The following KIAA0753 variants were observed in gnomAD, a reference collection of about 807,000 sequenced individuals.
KIAA0753 encodes the protein KIAA0753, also known as protein moonraker.
In KIAA0753, 114 loss-of-function variants were observed where a neutral mutation model predicts 116.9. The observed-to-expected ratio is 0.98, with a 90% CI of 0.84 to 1.14. The LOEUF is 1.14. KIAA0753 is among the 50% of genes most tolerant of loss of function. KIAA0753 has a pLI of 0.00. For synonymous variants in KIAA0753, 405 were observed against 413.1 expected, an observed-to-expected ratio of 0.98 and a Z score of 0.24; for missense variants, 1,156 against 1,172.4, an observed-to-expected ratio of 0.99 and a Z score of 0.20.
intron 8 of KIAA0753, among the ~76,000 whole-genome samples, chr17:6,610,820 G>T (rs1970492119): frequency 6.6e-6 from 1 of 152,058 alleles, no homozygotes; most frequent in Non-Finnish European, 1.5e-5. Context: ...TAAATAGAAT[G>T]AATCTAGCGA....
In KIAA0753 at chr17:6,611,959, G is replaced by A. The variant is rs780213827; in HGVS notation, c.1505C>T (p.Pro502Leu). 6.2e-6 allele frequency: 10 copies of A among 1,613,876 alleles called. 1 individual carries two copies. The highest frequency in any genetic ancestry group is 2.2e-5 in the East Asian group (1 of 44,872). Reference sequence around the variant, plus strand: ...CGCCAGAGTATCTTTCTTCCTAAACGGCACATTCTCAGTCACAGGCTTCTT... The same window carrying A: ...CGCCAGAGTATCTTTCTTCCTAAACAGCACATTCTCAGTCACAGGCTTCTT... ...GKKKPVTENVPFRKKDTLAPA... is the reference protein window; with the variant it reads ...GKKKPVTENVLFRKKDTLAPA... The change falls in exon 8 of 19, where the codon CCG (proline) becomes CTG (leucine). Residue 502 changes from proline to leucine, a missense_variant. By Grantham distance (98) the Pro-to-Leu change is moderately conservative. Transcript: ENST00000361413.
Position 6,611,959 on chromosome 17 carries a change from G to T in KIAA0753, c.1505C>A (p.Pro502Gln). ...CGCCAGAGTATCTTTCTTCCTAAAC[G>T]GCACATTCTCAGTCACAGGCTTCTT... ...GKKKPVTENV[P>Q]FRKKDTLAPA... The change falls in exon 8 of 19, where the codon CCG (proline) becomes CAG (glutamine). Residue 502 changes from proline (P) to glutamine (Q), a missense_variant. Physicochemically the swap from Pro to Gln is moderately conservative, Grantham distance 76. Transcript: ENST00000361413. 6.2e-7 allele frequency: 1 copy of T among 1,613,994 alleles called. No individual in the cohort carries two copies. The highest frequency in any genetic ancestry group is 1.1e-5 in the South Asian group (1 of 91,064).
In KIAA0753 at chr17:6,620,095, T is replaced by C. The variant is rs149656201; in HGVS notation, c.1315+693A>G. Among the ~76,000 whole-genome samples, 182 of 152,224 alleles carry C rather than the reference T, an allele frequency of 1.2e-3. 2 individuals are homozygous for C. The East Asian group carries it at 0.024, about 20-fold the overall frequency. ...ACCCAGCAGGGAGATGGATAAAGAA[T>C]ATGAACAGGCAAATTACAGAAGAGG... is the stretch of plus-strand genomic sequence containing the variant. On this transcript the variant is annotated intron_variant, in intron 7 of 18. Transcript: ENST00000361413.
chr17:6,603,326 T>C (rs1201605463), intron 12 of KIAA0753, among the ~76,000 whole-genome samples: 2 of 151,942 alleles, frequency 1.3e-5, no homozygotes, highest in Non-Finnish European at 1.5e-5. Flanking sequence ...AGGAAATAAA[T>C]TGCCAGGCTT....
chr17:6,616,929 C>G (rs1477533287), intron 7 of KIAA0753, among the ~76,000 whole-genome samples: 1 of 152,150 alleles, frequency 6.6e-6, no homozygotes, highest in Non-Finnish European at 1.5e-5. Context: ...AAGTTTCCCC[C>G]CTTTGCCTCC....
intron 16 of KIAA0753, among the ~76,000 whole-genome samples, chr17:6,593,722 T>C (rs773463739): frequency 6.6e-6 from 1 of 152,156 alleles, no homozygotes; most frequent in Non-Finnish European, 1.5e-5. Context: ...CTGTCTCTAC[T>C]ACAATTAAAA....
chr17:6,590,655 A>C, intron 16 of KIAA0753, 25 bp from the exon 17 acceptor site: 1 of 1,612,402 alleles, frequency 6.2e-7, no homozygotes, highest in East Asian at 2.2e-5. Flanking sequence ...TCATAAAATG[A>C]CTGCATATAA....
At chr17:6,628,018 A>G (rs556510505) in intron 3 of KIAA0753, 99 bp downstream of exon 3, 1 of 1,167,000 alleles carries the variant, frequency 8.6e-7, no homozygotes, top group East Asian at 2.4e-5. Flanking sequence ...AGAAGGAAAG[A>G]ATGAAATTGC....
intron 18 of KIAA0753, among the ~76,000 whole-genome samples, chr17:6,585,294 A>G (rs1400127917): frequency 1.3e-5 from 2 of 152,118 alleles, no homozygotes; most frequent in South Asian, 2.1e-4. Context: ...TTTTCCTTAT[A>G]TTGAGATGCT....
chr17:6,629,759 A>C (rs1294675120), intron 2 of KIAA0753, among the ~76,000 whole-genome samples: 1 of 152,240 alleles, frequency 6.6e-6, no homozygotes, highest in African/African-American at 2.4e-5. Flanking sequence ...ACAGGCATCA[A>C]GAGTCACTTA....
At chr17:6,613,767 T>C (rs1328842947) in intron 7 of KIAA0753, among the ~76,000 whole-genome samples, 5 of 152,158 alleles carry the variant, frequency 3.3e-5, no homozygotes, top group African/African-American at 7.2e-5. Flanking sequence ...AAGAAAACTT[T>C]AAAACTTTAA....
intron 2 of KIAA0753, among the ~76,000 whole-genome samples, chr17:6,630,350 G>C (rs1222669688): frequency 2.0e-5 from 3 of 152,118 alleles, no homozygotes; most frequent in African/African-American, 7.2e-5. Flanking sequence ...GAGGCTGTGG[G>C]AAGCAGGCGC....
intron 14 of KIAA0753, 109 bp downstream of exon 14, chr17:6,599,128 T>G: frequency 1.3e-6 from 1 of 743,056 alleles, no homozygotes; most frequent in Non-Finnish European, 2.4e-6. Context: ...TTCATACTTC[T>G]TGAGTAGGAT....
At chr17:6,617,247 A>G (rs1481949499) in intron 7 of KIAA0753, among the ~76,000 whole-genome samples, 1 of 152,202 alleles carries the variant, frequency 6.6e-6, no homozygotes, top group Non-Finnish European at 1.5e-5. Flanking sequence ...TGTGTGGCAG[A>G]TGCTGGGCTC....
intron 4 of KIAA0753, 143 bp downstream of exon 4, chr17:6,624,612 C>A: frequency 3.4e-6 from 2 of 587,992 alleles, no homozygotes; most frequent in Non-Finnish European, 6.1e-6. Context: ...CCCATGTGTT[C>A]AGGTAATTGA....
Position 6,606,939 on chromosome 17 carries a change from G to C in KIAA0753, c.1943C>G (p.Thr648Ser). Residue 648 changes from threonine (T) to serine (S), a missense_variant, in exon 12 of 19, where the codon ACT becomes AGT. Coordinates refer to ENST00000361413, the MANE Select transcript of KIAA0753 (RefSeq NM_014804.3). ...KQRLDWLDAETSRRTKELNEL... is the reference protein window; with the variant it reads ...KQRLDWLDAESSRRTKELNEL... The stretch of plus-strand genomic sequence containing the variant: ...ATTCAGTTCCTTTGTTCTTCTAGAA[G>C]TTTCAGCATCAAGCCAATCAAGCCT... 2 of 1,614,042 alleles carry C rather than the reference G, an allele frequency of 1.2e-6. No individual in the cohort carries two copies. Among genetic ancestry groups the C allele is most frequent in the Non-Finnish European group, 1.7e-6 (2 of 1,179,930 alleles).
Position 6,620,908 on chromosome 17 carries a change from G to C in KIAA0753, c.1195C>G (p.Gln399Glu), listed in dbSNP as rs970318801. 5 of 1,614,108 alleles carry C rather than the reference G, an allele frequency of 3.1e-6. No individual in the cohort carries two copies. Residue 399 changes from glutamine (Q) to glutamate (E), a missense_variant, in exon 7 of 19, where the codon CAA (glutamine) becomes GAA (glutamate). Gln to Glu is a conservative substitution (Grantham distance 29, BLOSUM62 2). Transcript: ENST00000361413. ...EIRSRFPIGS[Q>E]KALERWPSTS... is the part of the protein sequence containing the mutation. Reference sequence around the variant, plus strand: ...CTTGGCCATCTCTCCAAGGCCTTTTGGCTACCGATAGGAAATCTGCTCCGA... The same window carrying C: ...CTTGGCCATCTCTCCAAGGCCTTTTCGCTACCGATAGGAAATCTGCTCCGA...
chr17:6,581,610 C>T (rs994983051), intron 18 of KIAA0753, among the ~76,000 whole-genome samples: 3 of 152,094 alleles, frequency 2.0e-5, no homozygotes, highest in Non-Finnish European at 2.9e-5. Flanking sequence ...TTTCTACTTC[C>T]ATCACTTCTT....
At chr17:6,584,747 G>A (rs1424177913) in intron 18 of KIAA0753, among the ~76,000 whole-genome samples, 2 of 152,204 alleles carry the variant, frequency 1.3e-5, no homozygotes, top group Non-Finnish European at 2.9e-5. Flanking sequence ...TAAAACTCAA[G>A]TCTTCCTCTT....
Sources: allele counts gnomAD v4.1 joint callset (sites outside exome capture counted in the v4.1 genomes callset), GRCh38; gene constraint gnomAD v4.1.1; transcripts MANE v1.5; gene names NCBI Gene and HGNC (gene_info 2026-07-23, HGNC 2026-07-21).